Variants in RDX observed in about 807,000 individuals in gnomAD.
The protein encoded by RDX is radixin.
Under a neutral mutation model 83.7 loss-of-function variants are expected in RDX, and 32 were observed. The ratio of observed to expected loss-of-function variants is 0.38; its 90% confidence interval spans 0.29 to 0.51. The LOEUF (loss-of-function observed/expected upper bound fraction) is 0.51, where lower values mean the gene tolerates loss of function less well. Ranked by LOEUF, RDX falls within the 20% of genes least tolerant of loss-of-function variation. The pLI, the probability that RDX is intolerant of heterozygous loss-of-function variation, is 0.87. For synonymous variants in RDX, 229 were observed against 222.7 expected (o/e 1.03, Z -0.25); for missense variants, 600 against 689.9 (o/e 0.87, Z 1.46).
intron 15 of RDX, among the ~76,000 whole-genome samples, chr11:110,177,280 G>A (rs1026084761): frequency 6.6e-6 from 1 of 152,240 alleles, no homozygotes; most frequent in Non-Finnish European, 1.5e-5. Flanking sequence ...AGGTGGTGGG[G>A]TCCAGACCCA....
chr11:110,270,722 G>A (rs1894154), intron 3 of RDX, among the ~76,000 whole-genome samples: 63,125 of 151,928 alleles, frequency 0.42, 13,177 homozygotes, highest in East Asian at 0.51. Flanking sequence ...CTAAACCACT[G>A]TACATCACTG....
intron 14 of RDX, among the ~76,000 whole-genome samples, chr11:110,207,401 CAA>C: frequency 6.6e-6 from 1 of 152,140 alleles, no homozygotes; most frequent in East Asian, 1.9e-4. Context: ...GAACCACTGC[CAA>C]AAGTTGTTCA....
At chr11:110,227,623 A>C (rs1376531320), downstream of RDX, among the ~76,000 whole-genome samples, 1 of 152,126 alleles carries the variant, frequency 6.6e-6, no homozygotes, top group Non-Finnish European at 1.5e-5. Flanking sequence ...AATGCAAATG[A>C]TCTAAGGCTA....
intron 3 of RDX, among the ~76,000 whole-genome samples, chr11:110,268,768 A>T (rs1860165388): frequency 6.6e-6 from 1 of 151,100 alleles, no homozygotes; most frequent in South Asian, 2.1e-4. Flanking sequence ...GTGCTCCTAG[A>T]ATGTTTTTTT....
At chr11:110,235,687 C>A (rs1186602593) in intron 12 of RDX, among the ~76,000 whole-genome samples, 1 of 152,194 alleles carries the variant, frequency 6.6e-6, no homozygotes, top group Admixed American at 6.5e-5. Context: ...CATTTCTGAA[C>A]AACACTAAGC....
intron 1 of RDX, among the ~76,000 whole-genome samples, chr11:110,293,491 C>A (rs1475560871): frequency 3.9e-5 from 6 of 152,154 alleles, no homozygotes; most frequent in African/African-American, 1.4e-4. Flanking sequence ...TTGAGGAACT[C>A]TCTGGGGCCA....
intron 2 of RDX, among the ~76,000 whole-genome samples, chr11:110,275,918 G>T (rs779665291): frequency 6.6e-5 from 10 of 151,530 alleles, no homozygotes; most frequent in Admixed American, 4.6e-4. Context: ...CCAAGTAGCT[G>T]GGATTACAGG....
intron 14 of RDX, among the ~76,000 whole-genome samples, chr11:110,218,791 T>A (rs185894585): frequency 5.8e-4 from 88 of 152,324 alleles, no homozygotes; most frequent in South Asian, 5.4e-3. Flanking sequence ...CTGAAAGACT[T>A]GGCTTAGGGA....
chr11:110,292,617 A>G (rs1418467485), intron 1 of RDX, among the ~76,000 whole-genome samples: 1 of 152,202 alleles, frequency 6.6e-6, no homozygotes, highest in Admixed American at 6.5e-5. Flanking sequence ...ACCTGCAGTC[A>G]GTCCTAGTTG....
rs146019940 is a variant in RDX, at chr11:110,257,863, T to C, written c.602A>G (p.Tyr201Cys). The part of the protein sequence containing the change: ...YLKIAQDLEM[Y>C]GVNYFEIKNK... ...TTTTATTTCAAAATAGTTGACTCCA[T>C]ACATTTCTAGATCTTGTGCAATCTT... Residue 201 changes from tyrosine (Y) to cysteine (C), a missense_variant, in exon 7 of 14, where the codon TAT becomes TGT. Physicochemically the swap from Tyr to Cys is radical, Grantham distance 194. Coordinates refer to ENST00000645495, the MANE Select transcript of RDX (RefSeq NM_002906.4). The C allele has an allele frequency of 9.2e-5, 148 of 1,612,382 alleles. No individual in the cohort carries two copies. The highest frequency in any genetic ancestry group is 1.2e-4 in the Non-Finnish European group (146 of 1,178,824).
At chr11:110,220,390 C>T (rs1455019291) in intron 14 of RDX, among the ~76,000 whole-genome samples, 2 of 152,188 alleles carry the variant, frequency 1.3e-5, no homozygotes, top group East Asian at 1.9e-4. Flanking sequence ...ACAACTCAGG[C>T]TCAAATGGCC....
chr11:110,295,652 A>AC (rs1555051155), intron 1 of RDX, among the ~76,000 whole-genome samples: 5 of 150,972 alleles, frequency 3.3e-5, no homozygotes, highest in African/African-American at 4.9e-5. Flanking sequence ...GAAAAAAAAA[A>AC]AAAAACAAAA....
chr11:110,189,944 G>A (rs1180169459), intron 15 of RDX, among the ~76,000 whole-genome samples: 2 of 152,120 alleles, frequency 1.3e-5, no homozygotes, highest in African/African-American at 4.8e-5. Flanking sequence ...TTAGCCAGGT[G>A]TGGTGGCATA....
In RDX at chr11:110,243,233, C is replaced by A. The variant is rs1438200466; in HGVS notation, c.1090+4470G>T. Among the ~76,000 whole-genome samples the A allele has an allele frequency of 4.6e-5, 7 of 151,982 alleles. No individual in the cohort carries two copies. The Middle Eastern group carries it at 0.01, about 222-fold the overall frequency. ...CCAAAATTTTAAAAAAAGAAAAAAA[C>A]CAAAAACCAAAATCCTGAAATCTAA... On this transcript the variant is annotated intron_variant, in intron 10 of 13. Transcript: ENST00000645495.
intron 12 of RDX, among the ~76,000 whole-genome samples, chr11:110,234,400 A>G (rs1195282091): frequency 6.6e-6 from 1 of 152,218 alleles, no homozygotes; most frequent in Admixed American, 6.5e-5. Flanking sequence ...CAAATTAGCT[A>G]TGAGACTTTT....
At chr11:110,227,343 G>A (rs1170868266), downstream of RDX, among the ~76,000 whole-genome samples, 4 of 151,952 alleles carry the variant, frequency 2.6e-5, no homozygotes, top group Non-Finnish European at 4.4e-5. Context: ...ATGGACATTT[G>A]GCTATACTGA....
intron 3 of RDX, 98 bp from the exon 4 acceptor site, chr11:110,264,972 G>T: frequency 1.2e-6 from 1 of 820,974 alleles, no homozygotes; most frequent in Non-Finnish European, 2.1e-6. Flanking sequence ...AACTATGTAA[G>T]TATACGTATA....
chr11:110,292,151 G>C (rs760546213), intron 1 of RDX, among the ~76,000 whole-genome samples: 34 of 152,064 alleles, frequency 2.2e-4, no homozygotes, highest in Non-Finnish European at 4.0e-4. Context: ...AAATTAGCCG[G>C]GCCTGGTGGC....
rs189477740 is a variant in RDX, at chr11:110,215,218, C to T, written c.1749-15540G>A. ...TACTTAAAAAATACAAAACATTGGC[C>T]GGGCGTGATGGGTGGGCGCCTGTAG... is the stretch of plus-strand genomic sequence containing the variant. On this transcript the variant is annotated intron_variant, in intron 14 of 15. Transcript: ENST00000528498. 2.5e-3 allele frequency among the ~76,000 whole-genome samples: 378 copies of T among 149,812 alleles called. 1 individual carries two copies. The highest frequency in any genetic ancestry group is 8.2e-3 in the African/African-American group (339 of 41,094).
Sources: gnomAD v4.1 joint callset for allele counts (sites outside exome capture counted in the v4.1 genomes callset) on GRCh38, gnomAD v4.1.1 for gene constraint, MANE v1.5 for transcripts, NCBI Gene and HGNC (gene_info 2026-07-23, HGNC 2026-07-21) for gene names.